The following KLHL1 variants were observed in gnomAD, a reference collection of about 807,000 sequenced individuals.
KLHL1 encodes kelch-like protein 1.
Under a neutral mutation model 77.7 loss-of-function variants are expected in KLHL1, and 47 were observed. The observed-to-expected ratio is 0.60, with a 90% confidence interval of 0.48 to 0.77. The LOEUF (loss-of-function observed/expected upper bound fraction) is 0.77. KLHL1 is among the 30% of genes least tolerant of loss of function. The probability of loss-of-function intolerance (pLI) is 0.00; values close to 1 mark genes in which losing one functional copy is unlikely to be tolerated. For synonymous variants in KLHL1, 360 were observed against 325.2 expected, an observed-to-expected ratio of 1.11 and a Z score of -1.15; for missense variants, 925 against 910.8, an observed-to-expected ratio of 1.02 and a Z score of -0.20.
chr13:69,912,335 G>A (rs1882265817), intron 4 of KLHL1, among the ~76,000 whole-genome samples: 1 of 151,984 alleles, frequency 6.6e-6, no homozygotes, highest in African/African-American at 2.4e-5. Flanking sequence ...TGATATAATG[G>A]ATTTCTGATC....
At chr13:70,043,062 C>A (rs113460319) in intron 1 of KLHL1, among the ~76,000 whole-genome samples, 1 of 152,060 alleles carries the variant, frequency 6.6e-6, no homozygotes, top group Non-Finnish European at 1.5e-5. Flanking sequence ...TGAGCCACCA[C>A]GCCCAAGTAA....
rs1159738634 is a variant in KLHL1 at position 70,092,836 on chromosome 13, G to A, written c.497+14367C>T. ...AATATTTAAAATTAAACAAATAGAGGAGTAGCCACGCTTTCAGTGCTTGAT... is the reference window on the plus strand; with the variant it reads ...AATATTTAAAATTAAACAAATAGAGAAGTAGCCACGCTTTCAGTGCTTGAT... On this transcript the variant is annotated intron_variant, in intron 1 of 10. Coordinates refer to ENST00000377844, the MANE Select transcript of KLHL1 (RefSeq NM_020866.3). Among the ~76,000 whole-genome samples the A allele has an allele frequency of 1.7e-4, 26 of 152,056 alleles. 1 individual carries two copies. Among genetic ancestry groups the A allele is most frequent in the Admixed American group, 1.7e-3 (26 of 15,252 alleles).
intron 7 of KLHL1, among the ~76,000 whole-genome samples, chr13:69,780,702 G>GTATA (rs1491418114): frequency 1.5e-4 from 7 of 47,198 alleles, no homozygotes; most frequent in African/African-American, 4.9e-4. Flanking sequence ...ATATATATAT[G>GTATA]TATATATATA....
At chr13:69,944,514 C>A (rs958661355) in intron 3 of KLHL1, among the ~76,000 whole-genome samples, 1 of 152,098 alleles carries the variant, frequency 6.6e-6, no homozygotes, top group Non-Finnish European at 1.5e-5. Flanking sequence ...CATCACTGAA[C>A]GGGGCGTTAG....
At chr13:70,106,470 A>C (rs1888058661) in intron 1 of KLHL1, among the ~76,000 whole-genome samples, 1 of 152,210 alleles carries the variant, frequency 6.6e-6, no homozygotes, top group South Asian at 2.1e-4. Context: ...CTACACAAAG[A>C]AGCATAATAT....
chr13:69,731,130 A>C (rs1873527259), intron 8 of KLHL1, among the ~76,000 whole-genome samples: 1 of 152,164 alleles, frequency 6.6e-6, no homozygotes, highest in African/African-American at 2.4e-5. Flanking sequence ...GGTGTTAATA[A>C]AATGTGTGTA....
rs753730842 is a variant in KLHL1, at chr13:69,830,690, T to A, written c.1414+8286A>T. On this transcript the variant is annotated intron_variant, in intron 6 of 10. Coordinates refer to ENST00000377844, the MANE Select transcript of KLHL1 (RefSeq NM_020866.3). Reference sequence around the variant, plus strand: ...GGAACATTCTCCAAGATAGACTGTATGACAACCCACAAAACAAGTCTTATC... The same window carrying A: ...GGAACATTCTCCAAGATAGACTGTAAGACAACCCACAAAACAAGTCTTATC... Among the ~76,000 whole-genome samples, 2 of 150,166 alleles carry A rather than the reference T, an allele frequency of 1.3e-5. 1 individual carries two copies. The highest frequency in any genetic ancestry group is 3.0e-5 in the Non-Finnish European group (2 of 67,758).
intron 6 of KLHL1, among the ~76,000 whole-genome samples, chr13:69,833,540 A>G (rs1161802442): frequency 6.6e-6 from 1 of 151,972 alleles, no homozygotes; most frequent in Non-Finnish European, 1.5e-5. Context: ...TATATAAAAA[A>G]CAGTATGGAG....
At chr13:70,070,138 G>T (rs1004394127) in intron 1 of KLHL1, among the ~76,000 whole-genome samples, 4 of 148,922 alleles carry the variant, frequency 2.7e-5, no homozygotes, top group Admixed American at 1.4e-4. Flanking sequence ...GGGTGACAGA[G>T]TGAGACTCGT....
chr13:69,789,775 G>A (rs929757226), intron 7 of KLHL1, among the ~76,000 whole-genome samples: 8 of 152,132 alleles, frequency 5.3e-5, no homozygotes, highest in South Asian at 2.1e-4. Context: ...GGCCAATAGT[G>A]TGCTTCCAAC....
Position 70,107,767 on chromosome 13 carries a change from G to T in KLHL1, c.-68C>A. 1 of 1,251,036 alleles carries T rather than the reference G, an allele frequency of 8.0e-7. No homozygotes were observed. The highest frequency in any genetic ancestry group is 1.1e-6 in the Non-Finnish European group (1 of 926,438). 77.5% of individuals were successfully genotyped at this position (1,251,036 alleles called of 1,614,324 possible). A position where few individuals can be genotyped will look rare whatever the true frequency, so the allele number is the denominator to read the frequency against. ...GTAGGCTGGTCAGCAGGTGGGGGAG[G>T]ACAGCGGGGCCCGGGGGCGGAGGAA... On this transcript the variant is annotated 5_prime_UTR_variant, in exon 1 of 11. Transcript: ENST00000377844.
intron 1 of KLHL1, among the ~76,000 whole-genome samples, chr13:70,033,351 G>A (rs1356122335): frequency 1.3e-5 from 2 of 152,036 alleles, no homozygotes; most frequent in Non-Finnish European, 1.5e-5. Flanking sequence ...GGGCAGTGGC[G>A]CGCTCTCGGC....
chr13:69,716,091 C>G (rs1876109074), intron 9 of KLHL1, among the ~76,000 whole-genome samples: 2 of 152,086 alleles, frequency 1.3e-5, no homozygotes, highest in South Asian at 4.1e-4. Flanking sequence ...AAGTAAACCT[C>G]AAATGATTAC....
At chr13:69,838,167 T>A (rs898195932) in intron 6 of KLHL1, among the ~76,000 whole-genome samples, 8 of 151,752 alleles carry the variant, frequency 5.3e-5, no homozygotes, top group African/African-American at 1.9e-4. Context: ...AAATAAGTTT[T>A]TTTTTTGTTC....
chr13:69,979,970 C>T (rs1037055104), intron 1 of KLHL1, among the ~76,000 whole-genome samples: 4 of 152,174 alleles, frequency 2.6e-5, no homozygotes, highest in African/African-American at 7.2e-5. Context: ...TATTGCAATT[C>T]GACTTCCATA....
At chr13:69,709,012 G>T (rs556812962) in intron 9 of KLHL1, among the ~76,000 whole-genome samples, 2 of 151,964 alleles carry the variant, frequency 1.3e-5, no homozygotes, top group African/African-American at 4.8e-5. Flanking sequence ...ATTTCACAGA[G>T]AATATTCATA....
chr13:69,710,191 C>T (rs879627020), intron 9 of KLHL1, among the ~76,000 whole-genome samples: 3 of 151,770 alleles, frequency 2.0e-5, no homozygotes, highest in Non-Finnish European at 4.4e-5. Context: ...TCAAGTGAAA[C>T]TCAAATGTTG....
chr13:69,725,548 A>G (rs1873255282), intron 8 of KLHL1, among the ~76,000 whole-genome samples: 1 of 152,104 alleles, frequency 6.6e-6, no homozygotes, highest in African/African-American at 2.4e-5. Context: ...GTGTGTTTAT[A>G]TTGTCATATA....
chr13:69,861,804 AAAAAT>A lies in KLHL1; in HGVS notation c.1227+20474_1227+20478del, dbSNP rs1316207087. Among the ~76,000 whole-genome samples the A allele has an allele frequency of 4.2e-3, 616 of 148,194 alleles. 4 individuals are homozygous for A. The highest frequency in any genetic ancestry group is 0.014 in the African/African-American group (572 of 40,584). ...CTCTACTAAAAAAAAAAAAAAAAAA[AAAAAT>A]ACAAAATTAGCCAGGCTTGGTGGCG... On this transcript the variant is annotated intron_variant, in intron 5 of 10. Transcript: ENST00000377844.
Sources: gnomAD v4.1 joint callset for allele counts (sites outside exome capture counted in the v4.1 genomes callset) on GRCh38, gnomAD v4.1.1 for gene constraint, MANE v1.5 for transcripts, NCBI Gene and HGNC (gene_info 2026-07-23, HGNC 2026-07-21) for gene names.